The following BOC variants were observed in gnomAD, a reference collection of about 807,000 sequenced individuals.
The protein encoded by BOC is BOC cell adhesion associated, oncogene regulated, also known as brother of CDO.
Under a neutral mutation model 112.0 loss-of-function variants are expected in BOC, and 76 were observed. The observed-to-expected ratio is 0.68, with a 90% CI of 0.56 to 0.82. BOC has a LOEUF of 0.82. BOC is among the 40% of genes least tolerant of loss of function. BOC has a pLI of 0.00. For missense variants in BOC, 1,309 were observed against 1,511.7 expected, an observed-to-expected ratio of 0.87 and a Z score of 2.22; for synonymous variants, 580 against 599.8, an observed-to-expected ratio of 0.97 and a Z score of 0.48.
chr3:113,242,299 C>T (rs1944409791), intron 2 of BOC, among the ~76,000 whole-genome samples: 2 of 152,048 alleles, frequency 1.3e-5, no homozygotes, highest in African/African-American at 4.8e-5. Flanking sequence ...GCAATAAAAC[C>T]CCCCACACTG....
In BOC at chr3:113,286,867, A is replaced by C. The variant is rs1215446772; in HGVS notation, c.*5A>C. The C allele has an allele frequency of 1.3e-6, 2 of 1,568,732 alleles. No homozygotes were observed. Among genetic ancestry groups the C allele is most frequent in the African/African-American group, 2.8e-5 (2 of 72,458 alleles). On this transcript the variant is annotated 3_prime_UTR_variant, in exon 20 of 20. Transcript: ENST00000682979. The stretch of plus-strand genomic sequence containing the variant: ...ACACCACCTCTCACAATTTAGGCAG[A>C]AGCTGATATCCCAGAAAGACTATAT...
intron 2 of BOC, among the ~76,000 whole-genome samples, chr3:113,231,786 C>T (rs1332921144): frequency 1.3e-5 from 2 of 152,158 alleles, no homozygotes; most frequent in Non-Finnish European, 2.9e-5. Context: ...TACATCCCCA[C>T]CCCTCTGCCA....
At chr3:113,243,525 G>A (rs1944557107) in intron 2 of BOC, among the ~76,000 whole-genome samples, 2 of 152,162 alleles carry the variant, frequency 1.3e-5, no homozygotes, top group Admixed American at 1.3e-4. Context: ...CAGTGCATGT[G>A]TTTGATTTAT....
At chr3:113,266,194 A>G (rs917526160) in intron 4 of BOC, among the ~76,000 whole-genome samples, 3 of 152,150 alleles carry the variant, frequency 2.0e-5, no homozygotes, top group Non-Finnish European at 4.4e-5. Flanking sequence ...CAGACAGCCA[A>G]TCTCTGTTTT....
At chr3:113,271,019 G>A (rs749614262) in intron 6 of BOC, 75 bp downstream of exon 6, 2 of 1,598,202 alleles carry the variant, frequency 1.3e-6, no homozygotes, top group Admixed American at 3.3e-5. Flanking sequence ...AAGGGAGGTA[G>A]ATACCTGGAG....
chr3:113,256,674 C>T (rs56163361), intron 4 of BOC, among the ~76,000 whole-genome samples: 19,399 of 152,078 alleles, frequency 0.13, 1,295 homozygotes, highest in Non-Finnish European at 0.16. Context: ...ACCATTGTAG[C>T]GATTTCTTTC....
chr3:113,248,063 G>A (rs1225671779), intron 2 of BOC, among the ~76,000 whole-genome samples: 1 of 152,172 alleles, frequency 6.6e-6, no homozygotes, highest in African/African-American at 2.4e-5. Flanking sequence ...CATCGGGAAA[G>A]AACTCTTGGA....
intron 8 of BOC, among the ~76,000 whole-genome samples, chr3:113,273,945 C>T (rs981809455): frequency 1.1e-4 from 17 of 152,050 alleles, no homozygotes; most frequent in African/African-American, 3.4e-4. Flanking sequence ...TTCCCAGTTG[C>T]GTTCATATCT....
At chr3:113,218,687 C>G (rs1576314817) in intron 2 of BOC, among the ~76,000 whole-genome samples, 1 of 152,236 alleles carries the variant, frequency 6.6e-6, no homozygotes, top group Non-Finnish European at 1.5e-5. Flanking sequence ...ATCCAATGTA[C>G]AGACTTCTGA....
At chr3:113,286,418 G>C (rs112128878) in intron 19 of BOC, among the ~76,000 whole-genome samples, 3 of 152,294 alleles carry the variant, frequency 2.0e-5, no homozygotes, top group Admixed American at 6.5e-5. Context: ...GACTTCATCT[G>C]CTCCTGTGGT....
Position 113,283,645 on chromosome 3 carries a change from C to T in BOC, c.2656+13C>T, listed in dbSNP as rs763761043. The T allele has an allele frequency of 1.7e-5, 28 of 1,607,970 alleles. No individual in the cohort carries two copies. In the East Asian group the frequency reaches 2.7e-4, roughly 15 times the overall value. On this transcript the variant is annotated intron_variant, in intron 16 of 19. Coordinates refer to ENST00000682979, the MANE Select transcript of BOC (RefSeq NM_001378074.1). ...TGGTCTAAGCAAAGTGAGTGAGTGA[C>T]GCTTTCAGTGGGAGGATCCTGGGTG...
intron 4 of BOC, 158 bp downstream of exon 4, chr3:113,250,991 C>T (rs540606638): frequency 2.2e-6 from 2 of 926,670 alleles, no homozygotes; most frequent in Non-Finnish European, 3.2e-6. Context: ...CTAGTAATGC[C>T]CAGTGATGGG....
intron 4 of BOC, 30 bp downstream of exon 4, chr3:113,250,863 G>A (rs1945534901): frequency 6.2e-7 from 1 of 1,609,774 alleles, no homozygotes; most frequent in Non-Finnish European, 8.5e-7. Flanking sequence ...TCCCTGCCAT[G>A]GTGCGGTCCC....
intron 4 of BOC, among the ~76,000 whole-genome samples, chr3:113,263,254 G>A (rs533292803): frequency 6.6e-6 from 1 of 152,298 alleles, no homozygotes; most frequent in Admixed American, 6.5e-5. Flanking sequence ...GCGGTGCCCC[G>A]TGACCTAATG....
intron 17 of BOC, 73 bp downstream of exon 17, chr3:113,284,640 C>A: frequency 6.5e-7 from 1 of 1,527,298 alleles, no homozygotes; most frequent in Non-Finnish European, 9.0e-7. Flanking sequence ...CTTGGGGGGC[C>A]TCCTCCCTCC....
chr3:113,261,999 TC>T (rs1946940789), intron 4 of BOC: 1 of 152,070 alleles, frequency 6.6e-6, no homozygotes, highest in South Asian at 2.1e-4. Context: ...TTCTTCTTCC[TC>T]CCCATGGAAA....
intron 2 of BOC, among the ~76,000 whole-genome samples, chr3:113,220,711 C>T (rs1387621739): frequency 6.6e-6 from 1 of 152,160 alleles, no homozygotes; most frequent in East Asian, 1.9e-4. Flanking sequence ...GCATTTTGGT[C>T]GTGTTGTCAG....
intron 2 of BOC, among the ~76,000 whole-genome samples, chr3:113,231,245 C>T (rs959633761): frequency 6.6e-6 from 1 of 152,054 alleles, no homozygotes; most frequent in Non-Finnish European, 1.5e-5. Flanking sequence ...ATGCTACATA[C>T]CTTGTTTGAA....
intron 15 of BOC, 121 bp from the exon 16 acceptor site, chr3:113,283,290 C>A: frequency 1.0e-6 from 1 of 969,190 alleles, no homozygotes; most frequent in Non-Finnish European, 1.5e-6. Flanking sequence ...TTTTGAGGCC[C>A]AATCTAGTGA....
Sources: gnomAD v4.1 joint callset for allele counts (sites outside exome capture counted in the v4.1 genomes callset) on GRCh38, gnomAD v4.1.1 for gene constraint, MANE v1.5 for transcripts, NCBI Gene and HGNC (gene_info 2026-07-23, HGNC 2026-07-21) for gene names.